The following APLF variants were observed in gnomAD, a reference collection of about 807,000 sequenced individuals.
The protein encoded by APLF is aprataxin and PNK-like factor.
APLF carries 61 observed loss-of-function variants against 55.6 expected under a neutral mutation model. The observed-to-expected ratio is 1.10, with a 90% CI of 0.89 to 1.36. APLF has a LOEUF of 1.36. APLF is among the 40% of genes most tolerant of loss of function. The pLI is 0.00. For missense variants in APLF, 611 were observed against 602.5 expected (o/e 1.01, Z -0.15); for synonymous variants, 207 against 214.8 (o/e 0.96, Z 0.32).
intron 6 of APLF, among the ~76,000 whole-genome samples, chr2:68,535,603 C>CT (rs200351772): frequency 0.018 from 2,302 of 128,702 alleles, 27 homozygotes; most frequent in South Asian, 0.044. Flanking sequence ...TAGCTGTGCT[C>CT]TTTTTTTTTT....
chr2:68,513,411 C>T, intron 4 of APLF, 137 bp from the exon 5 acceptor site: 2 of 1,259,360 alleles, frequency 1.6e-6, no homozygotes, highest in Non-Finnish European at 2.2e-6. Context: ...GAAATAATTT[C>T]TTTGTTCAAG....
At chr2:68,532,905 C>T (rs577782707) in intron 6 of APLF, among the ~76,000 whole-genome samples, 2 of 152,236 alleles carry the variant, frequency 1.3e-5, no homozygotes, top group East Asian at 1.9e-4. Context: ...GGGCTCTGTG[C>T]TCATGAATGG....
chr2:68,538,127 C>G lies in APLF; in HGVS notation c.1060C>G (p.Pro354Ala). The G allele has an allele frequency of 1.2e-6, 2 of 1,614,090 alleles. No homozygotes were observed. Among genetic ancestry groups the G allele is most frequent in the South Asian group, 2.2e-5 (2 of 91,084 alleles). The change falls in exon 7 of 10, where the codon CCT (proline) becomes GCT (alanine). Residue 354 changes from proline to alanine, a missense_variant. Pro to Ala is a conservative substitution (Grantham distance 27). Coordinates refer to ENST00000303795, the MANE Select transcript of APLF (RefSeq NM_173545.3). ...TGAGTCCAGCTCTAATCCCTCCAAT[C>G]CTGAAACTTTGCATGCAAAGGCAAC... ...HSESSSNPSN[P>A]ETLHAKATDS...
At chr2:68,547,741 A>C (rs2104022410) in intron 8 of APLF, among the ~76,000 whole-genome samples, 1 of 151,784 alleles carries the variant, frequency 6.6e-6, no homozygotes. Flanking sequence ...AAAATAATAT[A>C]GCTTTATTTT....
intron 6 of APLF, chr2:68,528,449 G>A (rs1670145980): frequency 2.6e-6 from 4 of 1,534,148 alleles, no homozygotes; most frequent in Non-Finnish European, 3.5e-6. Context: ...CAGTTGCAGG[G>A]GAGGGGTTGG....
chr2:68,488,548 C>A (rs1676258950), intron 1 of APLF, among the ~76,000 whole-genome samples: 1 of 151,772 alleles, frequency 6.6e-6, no homozygotes, highest in Non-Finnish European at 1.5e-5. Flanking sequence ...GTTGCCCAGG[C>A]TAGTCTTGAA....
intron 5 of APLF, among the ~76,000 whole-genome samples, chr2:68,516,773 C>T (rs1406070247): frequency 6.8e-6 from 1 of 146,788 alleles, no homozygotes. Context: ...TATTTCATTC[C>T]TTTTTATGGC....
intron 1 of APLF, among the ~76,000 whole-genome samples, chr2:68,473,920 G>A (rs1675694316): frequency 6.6e-6 from 1 of 152,152 alleles, no homozygotes; most frequent in South Asian, 2.1e-4. Context: ...GCTCCCACAT[G>A]TTGAGGGCTC....
At chr2:68,507,250 G>A (rs1347564972) in intron 3 of APLF, among the ~76,000 whole-genome samples, 2 of 151,852 alleles carry the variant, frequency 1.3e-5, no homozygotes, top group Admixed American at 1.3e-4. Flanking sequence ...TATATGCTTT[G>A]TAGAAGTTGT....
At chr2:68,480,455 C>G (rs190349160) in intron 1 of APLF, among the ~76,000 whole-genome samples, 30 of 152,146 alleles carry the variant, frequency 2.0e-4, no homozygotes, top group African/African-American at 7.0e-4. Context: ...AGGCGCCCAC[C>G]ACCATGTGCA....
At chr2:68,554,722 G>GCTACTGAT (rs1291843364) in intron 8 of APLF, among the ~76,000 whole-genome samples, 1 of 151,518 alleles carries the variant, frequency 6.6e-6, no homozygotes, top group Non-Finnish European at 1.5e-5. Flanking sequence ...GTATAGAAGA[G>GCTACTGAT]CTACTGATTT....
intron 1 of APLF, among the ~76,000 whole-genome samples, chr2:68,475,663 A>G (rs1675747923): frequency 6.6e-6 from 1 of 152,170 alleles, no homozygotes; most frequent in South Asian, 2.1e-4. Context: ...GACTTTGTAC[A>G]TTCCAAATAC....
intron 9 of APLF, 66 bp from the exon 10 acceptor site, chr2:68,577,754 G>A: frequency 6.4e-7 from 1 of 1,563,870 alleles, no homozygotes; most frequent in Non-Finnish European, 8.7e-7. Flanking sequence ...CATTTTATAG[G>A]TAGATGTCTG....
At position 68,578,909 on chromosome 2, in the gene APLF, A is replaced by G. The variant is rs1671692147; in HGVS notation, c.*887A>G. 1.0e-6 allele frequency: 1 copy of G among 985,206 alleles called. No individual in the cohort carries two copies. Among genetic ancestry groups the G allele is most frequent in the African/African-American group, 1.7e-5 (1 of 57,230 alleles). The allele number at this position is 985,206 out of a possible 1,614,324, so 61.0% of individuals were successfully genotyped here. A position where few individuals can be genotyped will look rare whatever the true frequency, so the allele number is the denominator to read the frequency against. On this transcript the variant is annotated 3_prime_UTR_variant, in exon 10 of 10. Coordinates refer to ENST00000303795, the MANE Select transcript of APLF (RefSeq NM_173545.3). ...CTCCCATATCAAGAAGAAACCACTT[A>G]TTCTCCAGTTTTACAAAGTATCTTT...
At chr2:68,527,225 G>T (rs1390932005) in intron 6 of APLF, among the ~76,000 whole-genome samples, 1 of 151,692 alleles carries the variant, frequency 6.6e-6, no homozygotes, top group Non-Finnish European at 1.5e-5. Context: ...CGGTGGCCAG[G>T]CAGAGGCGCT....
rs2103932534 is a variant in APLF at position 68,502,344 on chromosome 2, G to C, written c.169-387G>C. ...AACTAGCCATTGTCAGGAAATTAGT[G>C]CATTTCGGATATGGAAGTTGGGGGA... On this transcript the variant is annotated intron_variant, in intron 2 of 9. Coordinates refer to ENST00000303795, the MANE Select transcript of APLF (RefSeq NM_173545.3). 2.6e-5 allele frequency among the ~76,000 whole-genome samples: 4 copies of C among 152,220 alleles called. No individual in the cohort carries two copies. The South Asian group carries it at 8.3e-4, about 32-fold the overall frequency.
At chr2:68,510,823 G>A (rs1010084101) in intron 3 of APLF, among the ~76,000 whole-genome samples, 1 of 151,770 alleles carries the variant, frequency 6.6e-6, no homozygotes, top group Non-Finnish European at 1.5e-5. Context: ...TAGTCATACA[G>A]TAGAATATTA....
chr2:68,526,039 T>A, intron 5 of APLF, 22 bp from the exon 6 acceptor site: 1 of 1,573,814 alleles, frequency 6.4e-7, no homozygotes, highest in South Asian at 1.2e-5. Context: ...ATAATTTTCT[T>A]CTTTTTCTTT....
At chr2:68,569,811 A>T (rs1332331980) in intron 9 of APLF, among the ~76,000 whole-genome samples, 2 of 152,130 alleles carry the variant, frequency 1.3e-5, no homozygotes, top group African/African-American at 4.8e-5. Flanking sequence ...TGATATGGGG[A>T]TGAGGTAAAT....
Sources: allele counts gnomAD v4.1 joint callset (sites outside exome capture counted in the v4.1 genomes callset), GRCh38; gene constraint gnomAD v4.1.1; transcripts MANE v1.5; gene names NCBI Gene and HGNC (gene_info 2026-07-23, HGNC 2026-07-21).